POLR3B: variants seen among roughly 807,000 people sequenced by gnomAD.
The protein encoded by POLR3B is DNA-directed RNA polymerase III subunit RPC2.
POLR3B carries 96 observed loss-of-function variants against 147.4 expected under a neutral mutation model. That is an observed-to-expected ratio of 0.65 (90% CI 0.55 to 0.77). The LOEUF (loss-of-function observed/expected upper bound fraction) is 0.77, where lower values mean the gene tolerates loss of function less well. Ranked by LOEUF, POLR3B falls within the 30% of genes least tolerant of loss-of-function variation. The pLI is 0.00. For missense variants in POLR3B, 1,036 were observed against 1,413.5 expected (o/e 0.73, Z 4.28); for synonymous variants, 461 against 485.9 (o/e 0.95, Z 0.67).
At chr12:106,476,654 C>T (rs866059185) in intron 23 of POLR3B, among the ~76,000 whole-genome samples, 1,696 of 146,412 alleles carry the variant, frequency 0.012, 44 homozygotes, top group African/African-American at 0.04. Context: ...TCCAGTTGAT[C>T]GCATCAGCTC....
At position 106,509,537 on chromosome 12, in the gene POLR3B, G is replaced by A; in HGVS notation, c.3390G>A (p.Lys1130=). ...TCATCCCCAGGTTAAAACTGTCCAA[G>A]TACAATGAATGAGGATGGAAAAAAT... ...MNIIPRLKLS[K]YNE is the part of the protein sequence containing the mutation. The change falls in exon 28 of 28, where the codon AAG becomes AAA. Residue 1130 remains lysine, a synonymous_variant. Coordinates refer to ENST00000228347, the MANE Select transcript of POLR3B (RefSeq NM_018082.6). 6.2e-7 allele frequency: 1 copy of A among 1,612,708 alleles called. No individual in the cohort carries two copies. The highest frequency in any genetic ancestry group is 8.5e-7 in the Non-Finnish European group (1 of 1,178,856).
At chr12:106,441,733 A>C (rs758299178) in intron 18 of POLR3B, among the ~76,000 whole-genome samples, 3 of 152,206 alleles carry the variant, frequency 2.0e-5, no homozygotes, top group Non-Finnish European at 4.4e-5. Context: ...TGTTATAAAC[A>C]ACAGGTTATT....
intron 22 of POLR3B, among the ~76,000 whole-genome samples, chr12:106,461,652 G>C (rs1415712265): frequency 1.3e-5 from 2 of 152,176 alleles, no homozygotes; most frequent in Non-Finnish European, 2.9e-5. Flanking sequence ...CTGGCACATA[G>C]TGGGTATTCA....
At chr12:106,416,678 G>A (rs1217268964) in intron 12 of POLR3B, among the ~76,000 whole-genome samples, 1 of 152,164 alleles carries the variant, frequency 6.6e-6, no homozygotes, top group East Asian at 1.9e-4. Flanking sequence ...GTGGGACAGA[G>A]GGGTTCTCTG....
At chr12:106,502,860 T>G (rs961782589) in intron 26 of POLR3B, among the ~76,000 whole-genome samples, 2 of 152,202 alleles carry the variant, frequency 1.3e-5, no homozygotes, top group African/African-American at 4.8e-5. Context: ...ATCCAAAAAC[T>G]ATTTCAGAGT....
intron 6 of POLR3B, among the ~76,000 whole-genome samples, chr12:106,372,842 T>G (rs533009564): frequency 6.6e-6 from 1 of 151,210 alleles, no homozygotes; most frequent in Admixed American, 6.6e-5. Flanking sequence ...TATTCTTATA[T>G]CTTCATGTCA....
At chr12:106,389,716 T>C (rs557051573) in intron 9 of POLR3B, among the ~76,000 whole-genome samples, 3 of 152,268 alleles carry the variant, frequency 2.0e-5, no homozygotes, top group South Asian at 4.1e-4. Flanking sequence ...CTGAGTGTCA[T>C]GTCTGTACTC....
At chr12:106,360,024 C>T (rs1160550940) in intron 1 of POLR3B, among the ~76,000 whole-genome samples, 1 of 152,200 alleles carries the variant, frequency 6.6e-6, no homozygotes, top group Non-Finnish European at 1.5e-5. Context: ...TCTTCCTGCA[C>T]TCTGTATCCA....
At chr12:106,459,763 G>T (rs569442956) in intron 22 of POLR3B, among the ~76,000 whole-genome samples, 1 of 152,310 alleles carries the variant, frequency 6.6e-6, no homozygotes, top group Non-Finnish European at 1.5e-5. Context: ...CCACAGCATG[G>T]CATCACAGTA....
intron 10 of POLR3B, among the ~76,000 whole-genome samples, chr12:106,393,433 C>G (rs2036939304): frequency 6.7e-6 from 1 of 149,014 alleles, no homozygotes; most frequent in Non-Finnish European, 1.5e-5. Flanking sequence ...TTTTTTTTTC[C>G]TTATTTGCCT....
chr12:106,462,177 C>A (rs57799924), intron 22 of POLR3B, among the ~76,000 whole-genome samples: 3 of 152,326 alleles, frequency 2.0e-5, no homozygotes, highest in African/African-American at 7.2e-5. Flanking sequence ...CTCTGCTCTG[C>A]CTGGAGTTCT....
chr12:106,469,030 T>C (rs190230699), intron 23 of POLR3B, among the ~76,000 whole-genome samples: 44 of 152,302 alleles, frequency 2.9e-4, no homozygotes, highest in African/African-American at 1.0e-3. Context: ...TGTCTAATAT[T>C]GACAGTGGGG....
Position 106,497,725 on chromosome 12 carries a change from C to G in POLR3B, c.2984+807C>G, listed in dbSNP as rs189680506. On this transcript the variant is annotated intron_variant, in intron 25 of 27. Transcript: ENST00000228347. ...GGCACTGAGTATATACCAATAAATA[C>G]AGTAGACATGGTCCCAGTTCTATGG... Among the ~76,000 whole-genome samples the G allele has an allele frequency of 1.3e-3, 194 of 152,304 alleles. 1 individual carries two copies. Among genetic ancestry groups the G allele is most frequent in the African/African-American group, 4.2e-3 (176 of 41,568 alleles).
chr12:106,364,029 T>C (rs2036500421), intron 2 of POLR3B, 127 bp downstream of exon 2: 3 of 711,944 alleles, frequency 4.2e-6, no homozygotes, highest in East Asian at 2.7e-5. Context: ...TGTTTGGAAA[T>C]ACAAGGAATT....
chr12:106,461,325 C>T (rs1413783859), intron 22 of POLR3B, among the ~76,000 whole-genome samples: 1 of 152,120 alleles, frequency 6.6e-6, no homozygotes, highest in East Asian at 1.9e-4. Flanking sequence ...GAACTCTTCA[C>T]CTCATGATCT....
intron 22 of POLR3B, among the ~76,000 whole-genome samples, chr12:106,459,967 A>C (rs955346373): frequency 2.6e-5 from 4 of 152,232 alleles, no homozygotes; most frequent in African/African-American, 7.2e-5. Context: ...AATGATAGTC[A>C]CCACATTGTG....
intron 13 of POLR3B, among the ~76,000 whole-genome samples, chr12:106,429,005 A>G (rs1230045123): frequency 6.6e-6 from 1 of 152,232 alleles, no homozygotes; most frequent in Non-Finnish European, 1.5e-5. Context: ...ACAAGAGTCC[A>G]AAAATGAATA....
At chr12:106,389,726 C>G (rs974826887) in intron 9 of POLR3B, among the ~76,000 whole-genome samples, 8 of 152,030 alleles carry the variant, frequency 5.3e-5, no homozygotes, top group African/African-American at 1.9e-4. Flanking sequence ...TGTCTGTACT[C>G]AGAAGGTTTC....
At chr12:106,442,254 G>T (rs1485926731) in intron 18 of POLR3B, among the ~76,000 whole-genome samples, 1 of 151,364 alleles carries the variant, frequency 6.6e-6, no homozygotes, top group Non-Finnish European at 1.5e-5. Context: ...CACCATAAGA[G>T]AAAAAAACTT....
Sources: allele counts gnomAD v4.1 joint callset (sites outside exome capture counted in the v4.1 genomes callset), GRCh38; gene constraint gnomAD v4.1.1; transcripts MANE v1.5; gene names NCBI Gene and HGNC (gene_info 2026-07-23, HGNC 2026-07-21).